VSNL1: variants seen among roughly 807,000 people sequenced by gnomAD.
The protein encoded by VSNL1 is visinin like 1, also known as visinin-like protein 1.
In VSNL1, 6 loss-of-function variants were observed where a neutral mutation model predicts 20.4. The observed-to-expected ratio is 0.29, with a 90% CI of 0.16 to 0.58. VSNL1 has a LOEUF of 0.58. VSNL1 is among the 20% of genes least tolerant of loss of function. The probability of loss-of-function intolerance (pLI) is 0.90; values close to 1 mark genes in which losing one functional copy is unlikely to be tolerated. For synonymous variants in VSNL1, 93 were observed against 86.4 expected (o/e 1.08, Z -0.42); for missense variants, 100 against 234.5 (o/e 0.43, Z 3.75).
chr2:17,570,338 C>T (rs937858513), intron 1 of VSNL1, among the ~76,000 whole-genome samples: 2 of 152,168 alleles, frequency 1.3e-5, no homozygotes, highest in Non-Finnish European at 2.9e-5. Context: ...GGGCTACACA[C>T]CAGCCCTATA....
intron 2 of VSNL1, among the ~76,000 whole-genome samples, chr2:17,624,975 T>C (rs1665474077): frequency 1.3e-5 from 2 of 152,220 alleles, no homozygotes; most frequent in Admixed American, 1.3e-4. Context: ...ACATCTTGAA[T>C]TATACTCCCA....
intron 1 of VSNL1, among the ~76,000 whole-genome samples, chr2:17,542,235 G>A (rs1572320179): frequency 6.6e-6 from 1 of 152,044 alleles, no homozygotes; most frequent in Non-Finnish European, 1.5e-5. Context: ...GGAGTAGGGG[G>A]TGATCCTACA....
At chr2:17,632,657 T>C (rs956253558) in intron 2 of VSNL1, among the ~76,000 whole-genome samples, 2 of 152,182 alleles carry the variant, frequency 1.3e-5, no homozygotes, top group African/African-American at 4.8e-5. Flanking sequence ...AATTATTCCT[T>C]TATTTGTGTT....
chr2:17,548,054 C>T (rs1332319424), intron 1 of VSNL1, among the ~76,000 whole-genome samples: 4 of 152,184 alleles, frequency 2.6e-5, no homozygotes, highest in Middle Eastern at 6.8e-3. Flanking sequence ...CAACCCATTT[C>T]GCGACTAATC....
At chr2:17,625,701 C>A (rs1256736641) in intron 2 of VSNL1, among the ~76,000 whole-genome samples, 1 of 152,160 alleles carries the variant, frequency 6.6e-6, no homozygotes, top group Admixed American at 6.5e-5. Flanking sequence ...CAAGGATCAG[C>A]ACTTGGCACC....
chr2:17,556,922 A>C (rs1663696650), intron 1 of VSNL1, among the ~76,000 whole-genome samples: 1 of 152,178 alleles, frequency 6.6e-6, no homozygotes, highest in Admixed American at 6.5e-5. Flanking sequence ...TTAGTCATTC[A>C]AGGTCTTTTC....
At chr2:17,607,587 C>T (rs1464310247) in intron 2 of VSNL1, among the ~76,000 whole-genome samples, 1 of 152,188 alleles carries the variant, frequency 6.6e-6, no homozygotes, top group Non-Finnish European at 1.5e-5. Flanking sequence ...AAATCACGTG[C>T]AGCTGTCACT....
At chr2:17,610,795 C>T (rs893173980) in intron 2 of VSNL1, among the ~76,000 whole-genome samples, 1 of 152,154 alleles carries the variant, frequency 6.6e-6, no homozygotes, top group African/African-American at 2.4e-5. Flanking sequence ...CTCCAGGGAA[C>T]CTTCCTCTGA....
At chr2:17,622,576 GAAAGAAAGAAAGAAAGAAAGAAAGA>G (rs1665402085) in intron 2 of VSNL1, among the ~76,000 whole-genome samples, 3 of 123,778 alleles carry the variant, frequency 2.4e-5, no homozygotes, top group African/African-American at 8.2e-5. Context: ...AAGAAAGAAA[GAAAGAAAGAAAGAAAGAAAGAAAGA>G]AAAGAAAGAA....
At chr2:17,643,904 C>CA (rs1390148039) in intron 2 of VSNL1, among the ~76,000 whole-genome samples, 3 of 152,138 alleles carry the variant, frequency 2.0e-5, no homozygotes, top group Non-Finnish European at 4.4e-5. Context: ...GGCCCCGGGA[C>CA]AAGGGAGCCG....
At chr2:17,619,724 C>A (rs1016083963) in intron 2 of VSNL1, among the ~76,000 whole-genome samples, 5 of 152,074 alleles carry the variant, frequency 3.3e-5, no homozygotes, top group African/African-American at 1.2e-4. Flanking sequence ...CCATCATTTG[C>A]CTCCCTCCTT....
At position 17,618,886 on chromosome 2, in the gene VSNL1, T is replaced by C. The variant is rs1233298006; in HGVS notation, c.162+26650T>C. On this transcript the variant is annotated intron_variant, in intron 2 of 3. Transcript: ENST00000295156. ...AGAGGAGGGAATGGCTCCAGGCATATGTTTTTTCCATATGTCACCAGAAAA... is the reference window on the plus strand; with the variant it reads ...AGAGGAGGGAATGGCTCCAGGCATACGTTTTTTCCATATGTCACCAGAAAA... Among the ~76,000 whole-genome samples, 6 of 152,326 alleles carry C rather than the reference T, an allele frequency of 3.9e-5. No homozygotes were observed. In the South Asian group the frequency reaches 1.0e-3, roughly 26 times the overall value.
chr2:17,645,278 C>A (rs1327395610), intron 2 of VSNL1, among the ~76,000 whole-genome samples: 1 of 152,256 alleles, frequency 6.6e-6, no homozygotes, highest in Admixed American at 6.5e-5. Flanking sequence ...AGGGGTGAGT[C>A]CTGGCCAAGG....
At chr2:17,592,318 T>A in intron 2 of VSNL1, 82 bp downstream of exon 2, 1 of 1,403,394 alleles carries the variant, frequency 7.1e-7, no homozygotes, top group South Asian at 1.3e-5. Context: ...CATGGAATTA[T>A]AACTCTAAGT....
chr2:17,580,070 A>G (rs1664315218), intron 1 of VSNL1, among the ~76,000 whole-genome samples: 2 of 152,180 alleles, frequency 1.3e-5, no homozygotes, highest in African/African-American at 2.4e-5. Context: ...TGTAAGATTG[A>G]TGCTAACAAT....
rs182938354 is a variant in VSNL1, at chr2:17,632,003, C to T, written c.163-17407C>T. Among the ~76,000 whole-genome samples, 329 of 152,280 alleles carry T rather than the reference C, an allele frequency of 2.2e-3. 1 individual carries two copies. The highest frequency in any genetic ancestry group is 7.6e-3 in the African/African-American group (314 of 41,542). On this transcript the variant is annotated intron_variant, in intron 2 of 3. Transcript: ENST00000295156. ...CCGGGTTCAAGTAATTCTCCTTCCT[C>T]AGCCTCCCACGTAGCTGGGACTACA...
chr2:17,596,940 T>C (rs998297582), intron 2 of VSNL1, among the ~76,000 whole-genome samples: 14 of 152,184 alleles, frequency 9.2e-5, no homozygotes, highest in African/African-American at 3.1e-4. Flanking sequence ...AAAAGTTGTG[T>C]TTGCTGTCCT....
intron 2 of VSNL1, among the ~76,000 whole-genome samples, chr2:17,598,886 C>T (rs1184064570): frequency 6.6e-6 from 1 of 152,216 alleles, no homozygotes; most frequent in East Asian, 1.9e-4. Flanking sequence ...CAAATAAAAG[C>T]TTCCAGGCTT....
chr2:17,651,261 G>A (rs529560084), intron 3 of VSNL1, among the ~76,000 whole-genome samples: 1 of 152,302 alleles, frequency 6.6e-6, no homozygotes, highest in East Asian at 1.9e-4. Context: ...CTTTATTACT[G>A]CTTGCAGTGA....
Sources: allele counts gnomAD v4.1 joint callset (sites outside exome capture counted in the v4.1 genomes callset), GRCh38; gene constraint gnomAD v4.1.1; transcripts MANE v1.5; gene names NCBI Gene and HGNC (gene_info 2026-07-23, HGNC 2026-07-21).